Variants in SERGEF observed in about 807,000 individuals in gnomAD.
The protein encoded by SERGEF is secretion regulating guanine nucleotide exchange factor, also known as secretion-regulating guanine nucleotide exchange factor.
In SERGEF, 51 loss-of-function variants were observed where a neutral mutation model predicts 50.0. The ratio of observed to expected loss-of-function variants is 1.02; its 90% CI spans 0.81 to 1.29. SERGEF has a LOEUF of 1.29. Among genes scored for constraint, SERGEF ranks in the 50% most tolerant of loss-of-function variants. The pLI is 0.00. For missense variants in SERGEF, 521 were observed against 557.0 expected, an observed-to-expected ratio of 0.94 and a Z score of 0.65; for synonymous variants, 205 against 212.4, an observed-to-expected ratio of 0.97 and a Z score of 0.30.
chr11:18,002,683 G>C (rs1195011293), intron 4 of SERGEF, among the ~76,000 whole-genome samples: 2 of 152,140 alleles, frequency 1.3e-5, no homozygotes, highest in Non-Finnish European at 2.9e-5. Flanking sequence ...TCATAGTTCT[G>C]ACATGGTATT....
intron 9 of SERGEF, chr11:17,926,824 T>G (rs1852260778): frequency 4.4e-6 from 2 of 456,042 alleles, no homozygotes; most frequent in African/African-American, 4.0e-5. Context: ...CATCTCCACA[T>G]CTCCCACTGT....
intron 2 of SERGEF, 152 bp from the exon 3 acceptor site, chr11:18,006,898 A>G: frequency 2.3e-6 from 2 of 867,270 alleles, no homozygotes; most frequent in South Asian, 1.6e-5. Context: ...TGTATTCTGG[A>G]GCCAAACAAC....
intron 9 of SERGEF, among the ~76,000 whole-genome samples, chr11:17,945,979 AAAAAAAC>A (rs922916081): frequency 1.3e-5 from 2 of 152,108 alleles, no homozygotes; most frequent in African/African-American, 2.4e-5. Flanking sequence ...ACTCCACCTC[AAAAAAAC>A]AAAAAACAAA....
intron 10 of SERGEF, among the ~76,000 whole-genome samples, chr11:17,825,028 G>A (rs528722123): frequency 6.6e-6 from 1 of 152,270 alleles, no homozygotes; most frequent in South Asian, 2.1e-4. Flanking sequence ...CCACCTTGAT[G>A]GCCTTGTTAT....
At chr11:17,999,608 A>G (rs1035804866) in intron 5 of SERGEF, 2 of 455,746 alleles carry the variant, frequency 4.4e-6, no homozygotes, top group African/African-American at 4.0e-5. Context: ...GAAAAAATGA[A>G]AAGGGGAGAG....
intron 10 of SERGEF, among the ~76,000 whole-genome samples, chr11:17,859,483 C>T (rs868750733): frequency 1.3e-5 from 2 of 151,930 alleles, no homozygotes; most frequent in Non-Finnish European, 2.9e-5. Flanking sequence ...CAATAGAAGT[C>T]CCTGAAAGAC....
Position 17,952,222 on chromosome 11 carries a change from T to G in SERGEF, c.1011+7248A>C, listed in dbSNP as rs570211627. On this transcript the variant is annotated intron_variant, in intron 9 of 10. Transcript: ENST00000265965. ...CACATTGCAGTATTGGGCAGCAAGT[T>G]TGACTTTTATTTGTGAATTCTTGGT... Among the ~76,000 whole-genome samples, 8 of 152,366 alleles carry G rather than the reference T, an allele frequency of 5.3e-5. No homozygotes were observed. The South Asian group carries it at 1.0e-3, about 20-fold the overall frequency.
At chr11:17,889,428 A>T (rs1216451784) in intron 9 of SERGEF, among the ~76,000 whole-genome samples, 1 of 152,238 alleles carries the variant, frequency 6.6e-6, no homozygotes, top group Non-Finnish European at 1.5e-5. Flanking sequence ...AAAAGTGTGT[A>T]AGTGAAATCC....
At chr11:18,007,157 T>C (rs1188705280) in intron 2 of SERGEF, among the ~76,000 whole-genome samples, 1 of 152,238 alleles carries the variant, frequency 6.6e-6, no homozygotes, top group Non-Finnish European at 1.5e-5. Context: ...TATTTTTAAA[T>C]GAGAAAAAGA....
chr11:17,915,324 A>AG (rs1348083092), intron 9 of SERGEF, among the ~76,000 whole-genome samples: 1 of 152,332 alleles, frequency 6.6e-6, no homozygotes, highest in East Asian at 1.9e-4. Context: ...TCCTGCGACT[A>AG]GGTCATCACA....
At chr11:17,992,700 A>G (rs1853742152) in intron 7 of SERGEF, among the ~76,000 whole-genome samples, 1 of 152,220 alleles carries the variant, frequency 6.6e-6, no homozygotes, top group African/African-American at 2.4e-5. Flanking sequence ...TCTGCTATTC[A>G]TGATTTATAT....
intron 10 of SERGEF, among the ~76,000 whole-genome samples, chr11:17,876,846 C>T (rs1159867262): frequency 6.6e-6 from 1 of 152,246 alleles, no homozygotes; most frequent in East Asian, 1.9e-4. Context: ...TTTTGATTAG[C>T]TTGTCTTAAT....
Position 17,978,212 on chromosome 11 carries a change from C to A in SERGEF, c.844+10385G>T, listed in dbSNP as rs184366490. Among the ~76,000 whole-genome samples the A allele has an allele frequency of 4.0e-3, 616 of 152,208 alleles. 4 individuals are homozygous for A. Among genetic ancestry groups the A allele is most frequent in the African/African-American group, 0.011 (440 of 41,510 alleles). ...GGCTGTAGAGCAGTACCTGGCAGAG[C>A]ACCTAGTACATAGTAAGTACTTGGC... is the stretch of plus-strand genomic sequence containing the variant. On this transcript the variant is annotated intron_variant, in intron 8 of 10. Transcript: ENST00000265965.
intron 9 of SERGEF, among the ~76,000 whole-genome samples, chr11:17,887,948 T>A (rs1234613284): frequency 6.6e-6 from 1 of 152,198 alleles, no homozygotes; most frequent in African/African-American, 2.4e-5. Flanking sequence ...CGAAGCTTCA[T>A]CTGTATTTAC....
At chr11:17,899,948 C>A (rs1171169741) in intron 9 of SERGEF, among the ~76,000 whole-genome samples, 1 of 146,238 alleles carries the variant, frequency 6.8e-6, no homozygotes, top group Admixed American at 6.7e-5. Context: ...GAGACTCTTG[C>A]CTCCAAAAAA....
intron 1 of SERGEF, 79 bp from the exon 2 acceptor site, chr11:18,008,155 C>T (rs2134015091): frequency 7.1e-7 from 1 of 1,414,298 alleles, no homozygotes; most frequent in Non-Finnish European, 9.7e-7. Context: ...CTGTCTCTCT[C>T]ACCCTGACGT....
At chr11:17,997,770 C>T (rs1853868421) in intron 5 of SERGEF, among the ~76,000 whole-genome samples, 1 of 152,072 alleles carries the variant, frequency 6.6e-6, no homozygotes, top group Admixed American at 6.5e-5. Flanking sequence ...AAATATACGC[C>T]AGTCACAAAA....
intron 3 of SERGEF, among the ~76,000 whole-genome samples, chr11:18,004,954 G>A (rs1854044024): frequency 6.6e-6 from 1 of 152,188 alleles, no homozygotes; most frequent in South Asian, 2.1e-4. Context: ...GATGGGACAG[G>A]ACATGTGTGG....
chr11:17,995,115 A>T (rs1369322684), intron 6 of SERGEF, among the ~76,000 whole-genome samples: 2 of 152,148 alleles, frequency 1.3e-5, no homozygotes, highest in Non-Finnish European at 2.9e-5. Context: ...AGAGAGAGAG[A>T]GACAGGGGAA....
Sources: allele counts gnomAD v4.1 joint callset (sites outside exome capture counted in the v4.1 genomes callset), GRCh38; gene constraint gnomAD v4.1.1; transcripts MANE v1.5; gene names NCBI Gene and HGNC (gene_info 2026-07-23, HGNC 2026-07-21).